RECQL4: variants seen among roughly 807,000 people sequenced by gnomAD.
RECQL4 encodes ATP-dependent DNA helicase Q4.
A neutral mutation model predicts 128.6 loss-of-function variants in RECQL4; 158 were observed. The ratio of observed to expected loss-of-function variants is 1.23; its 90% confidence interval spans 1.08 to 1.40. RECQL4 has a LOEUF of 1.40. RECQL4 is among the 40% of genes most tolerant of loss of function. RECQL4 has a pLI of 0.00. For missense variants in RECQL4, 2,293 were observed against 1,649.8 expected (o/e 1.39, Z -6.75); for synonymous variants, 996 against 678.9 (o/e 1.47, Z -7.26).
rs1554897223 is a variant in RECQL4, at chr8:144,512,693, C to T, written c.2834G>A (p.Cys945Tyr). The T allele has an allele frequency of 6.2e-7, 1 of 1,612,510 alleles. No individual in the cohort carries two copies. Residue 945 changes from cysteine to tyrosine, a missense_variant, in exon 16 of 21, where the codon TGC becomes TAC. Coordinates refer to ENST00000617875, the MANE Select transcript of RECQL4 (RefSeq NM_004260.4). ...LELLATTYTHCRLNCPGGPAQ... is the reference protein window; with the variant it reads ...LELLATTYTHYRLNCPGGPAQ... Reference sequence around the variant, plus strand: ...AGGGCCCCCAGGGCAGTTCAGACGGCAATGGGTATAGGTGGTCGCCAGCAG... The same window carrying T: ...AGGGCCCCCAGGGCAGTTCAGACGGTAATGGGTATAGGTGGTCGCCAGCAG...
chr8:144,515,357 G>C lies in RECQL4; in HGVS notation c.1359C>G (p.Leu453=), dbSNP rs1331671057. 4 of 1,612,788 alleles carry C rather than the reference G, an allele frequency of 2.5e-6. No homozygotes were observed. The highest frequency in any genetic ancestry group is 3.3e-5 in the Admixed American group (2 of 60,018). ...ACTGCCCTGAGGGCCCCAGGGAGTA[G>C]AGTGGCAGCACGGTGGGGTCCAGGC... ...VPSLDPTVLP[L]YSLGPSGQLA... is the part of the protein sequence containing the mutation. The change falls in exon 7 of 21, where the codon CTC becomes CTG. Residue 453 remains leucine (L), a synonymous_variant. Coordinates refer to ENST00000617875, the MANE Select transcript of RECQL4 (RefSeq NM_004260.4).
Position 144,512,185 on chromosome 8 carries a change from C to T in RECQL4, c.3195G>A (p.Gln1065=), listed in dbSNP as rs1318054872. Residue 1065 remains glutamine, a synonymous_variant, in exon 18 of 21, where the codon CAG becomes CAA. Transcript: ENST00000617875. ...LYGRVQARER[Q]ALARLRRTFQ... The stretch of plus-strand genomic sequence containing the variant: ...AGGTTCTGCGCAGACGGGCCAGGGC[C>T]TGGCGCTCCCGGGCCTGCACACGGC... The T allele has an allele frequency of 6.8e-6, 11 of 1,611,844 alleles. No individual in the cohort carries two copies. The highest frequency in any genetic ancestry group is 2.7e-5 in the African/African-American group (2 of 74,938).
Position 144,515,375 on chromosome 8 carries a change from G to A in RECQL4, c.1341C>T (p.Asp447=), listed in dbSNP as rs2130708176. 1.9e-5 allele frequency: 31 copies of A among 1,612,780 alleles called. No individual in the cohort carries two copies. Among genetic ancestry groups the A allele is most frequent in the Non-Finnish European group, 2.6e-5 (31 of 1,179,848 alleles). Residue 447 remains aspartate (D), a synonymous_variant, in exon 7 of 21, where the codon GAC becomes GAT. Transcript: ENST00000617875. ...GGGAGTAGAGTGGCAGCACGGTGGG[G>A]TCCAGGCTGGGCACCTCAGGTACAG... is the stretch of plus-strand genomic sequence containing the variant. ...PQPVPEVPSL[D]PTVLPLYSLG...
Position 144,511,365 on chromosome 8 carries a change from G to A in RECQL4, c.*66C>T, listed in dbSNP as rs1478786786. The A allele has an allele frequency of 6.3e-7, 1 of 1,593,312 alleles. No individual in the cohort carries two copies. The highest frequency in any genetic ancestry group is 1.1e-5 in the South Asian group (1 of 90,572). On this transcript the variant is annotated 3_prime_UTR_variant, in exon 21 of 21. Transcript: ENST00000617875. ...ACACCCTGTGGCAGGTTTTGCCCAG[G>A]TCCTCAGTCACTGCCCTAGCCTCTG...
rs780188311 is a variant in RECQL4 at position 144,512,087 on chromosome 8, A to G, written c.3237-20T>C. The G allele has an allele frequency of 1.9e-6, 3 of 1,606,020 alleles. No homozygotes were observed. The highest frequency in any genetic ancestry group is 2.2e-5 in the East Asian group (1 of 44,732). On this transcript the variant is annotated intron_variant, in intron 18 of 20. Coordinates refer to ENST00000617875, the MANE Select transcript of RECQL4 (RefSeq NM_004260.4). The stretch of plus-strand genomic sequence containing the variant: ...GCTACGCTGTGGGGAGGAGCCTGTC[A>G]GAGCTGATCACTGCGGGAGGGTGGA...
At chr8:144,517,670 C>T (rs994662924) in intron 1 of RECQL4, 31 bp downstream of exon 1, 49 of 1,463,620 alleles carry the variant, frequency 3.3e-5, no homozygotes, top group Admixed American at 5.0e-5. Flanking sequence ...GGGCCGCGCC[C>T]TCAGCCCCTC....
At position 144,512,161 on chromosome 8, in the gene RECQL4, G is replaced by A. The variant is rs769367312; in HGVS notation, c.3219C>T (p.Thr1073=). The A allele has an allele frequency of 6.2e-6, 10 of 1,609,684 alleles. No homozygotes were observed. Among genetic ancestry groups the A allele is most frequent in the East Asian group, 4.5e-5 (2 of 44,822 alleles). ...ERQALARLRR[T]FQAFHSVAFP... is the part of the protein sequence containing the mutation. ...CTCCCAACCTGTGAAAGGCCTGGAA[G>A]GTTCTGCGCAGACGGGCCAGGGCCT... Residue 1073 remains threonine (T), a synonymous_variant, in exon 18 of 21, where the codon ACC becomes ACT. Coordinates refer to ENST00000617875, the MANE Select transcript of RECQL4 (RefSeq NM_004260.4).
Position 144,514,314 on chromosome 8 carries a change from C to A in RECQL4, c.1753G>T (p.Val585Leu), listed in dbSNP as rs770367395. The A allele has an allele frequency of 8.7e-6, 14 of 1,609,680 alleles. No homozygotes were observed. The highest frequency in any genetic ancestry group is 1.2e-5 in the Non-Finnish European group (14 of 1,178,328). ...HVLMLTPEALVGAGGLPPAAQ... is the reference protein window; with the variant it reads ...HVLMLTPEALLGAGGLPPAAQ... ...GCTGGAGGGAGGCCTCCCGCCCCCA[C>A]CAGTGCCTCAGGTGTCAGCATCAGC... Residue 585 changes from valine (V) to leucine (L), a missense_variant, in exon 11 of 21, where the codon GTG becomes TTG. Physicochemically the swap from Val to Leu is conservative, Grantham distance 32 (BLOSUM62 1). Transcript: ENST00000617875.
At position 144,514,204 on chromosome 8, in the gene RECQL4, G is replaced by A. The variant is rs1208882721; in HGVS notation, c.1863C>T (p.Tyr621=). 8.1e-6 allele frequency: 13 copies of A among 1,612,172 alleles called. No homozygotes were observed. Among genetic ancestry groups the A allele is most frequent in the East Asian group, 2.2e-5 (1 of 44,866 alleles). ...TATGGCTCACCTTGCAGACGCGCAG[G>A]TAGCAGGGCCGGAAGTTGTGGGACC... The part of the protein sequence containing the change: ...SQWSHNFRPC[Y]LRVCKVLRER... Residue 621 remains tyrosine, a synonymous_variant, in exon 11 of 21, where the codon TAC becomes TAT. Transcript: ENST00000617875.
Position 144,513,127 on chromosome 8 carries a change from C to G in RECQL4, c.2475G>C (p.Leu825=). Residue 825 remains leucine (L), a synonymous_variant, in exon 15 of 21, where the codon CTG becomes CTC. Coordinates refer to ENST00000617875, the MANE Select transcript of RECQL4 (RefSeq NM_004260.4). ...HLFLQPQGED[L]RELRRHVHAD... is the part of the protein sequence containing the mutation. ...CGTGCACATGTCTGCGCAGCTCTCG[C>G]AGGTCTTCGCCCTGCAGGGCAACTT... The G allele has an allele frequency of 6.4e-7, 1 of 1,560,308 alleles. No homozygotes were observed. Among genetic ancestry groups the G allele is most frequent in the African/African-American group, 1.4e-5 (1 of 71,662 alleles).
At position 144,513,199 on chromosome 8, in the gene RECQL4, G is replaced by T. The variant is rs549548131; in HGVS notation, c.2463+19C>A. The T allele has an allele frequency of 5.3e-4, 24 of 45,286 alleles. No homozygotes were observed. Among genetic ancestry groups the T allele is most frequent in the Non-Finnish European group, 8.0e-4 (19 of 23,792 alleles). The allele number at this position is 45,286 out of a possible 1,614,324, so 2.8% of individuals were successfully genotyped here. ...CTGGGGGCTCGAGCACTGGCAGTGT[G>T]GGGGGGGGGGGTGCCAACCTGGGGC... On this transcript the variant is annotated intron_variant, in intron 14 of 20. Transcript: ENST00000617875.
In RECQL4 at chr8:144,513,200, G is replaced by C. The variant is rs41542315; in HGVS notation, c.2463+18C>G. ...TGGGGGCTCGAGCACTGGCAGTGTG[G>C]GGGGGGGGGGTGCCAACCTGGGGCT... On this transcript the variant is annotated intron_variant, in intron 14 of 20. Transcript: ENST00000617875. 5.4e-5 allele frequency: 15 copies of C among 278,582 alleles called. No individual in the cohort carries two copies. Among genetic ancestry groups the C allele is most frequent in the Middle Eastern group, 7.3e-4 (1 of 1,362 alleles). 17.3% of individuals were successfully genotyped at this position (278,582 alleles called of 1,614,324 possible). A position where few individuals can be genotyped will look rare whatever the true frequency, so the allele number is the denominator to read the frequency against.
At chr8:144,517,011 G>GCT in intron 4 of RECQL4, 39 bp downstream of exon 4, 1 of 1,586,594 alleles carries the variant, frequency 6.3e-7, no homozygotes. Context: ...GGAAGCAGCT[G>GCT]TGGACCTAGC....
intron 11 of RECQL4, 39 bp downstream of exon 11, chr8:144,514,150 C>T (rs1254712499): frequency 6.2e-7 from 1 of 1,611,122 alleles, no homozygotes; most frequent in East Asian, 2.2e-5. Context: ...CCAGCCCATC[C>T]CGGCCCTGGC....
In RECQL4 at chr8:144,511,388, C is replaced by T. The variant is rs756850904; in HGVS notation, c.*43G>A. ...AGGTCCTCAGTCACTGCCCTAGCCT[C>T]TGACAACCCCAGCTCTACCCGACAT... On this transcript the variant is annotated 3_prime_UTR_variant, in exon 21 of 21. Coordinates refer to ENST00000617875, the MANE Select transcript of RECQL4 (RefSeq NM_004260.4). The T allele has an allele frequency of 6.2e-7, 1 of 1,601,482 alleles. No homozygotes were observed. The highest frequency in any genetic ancestry group is 1.1e-5 in the South Asian group (1 of 90,916).
intron 2 of RECQL4, 44 bp downstream of exon 2, chr8:144,517,558 C>A: frequency 6.6e-7 from 1 of 1,509,740 alleles, no homozygotes; most frequent in East Asian, 2.6e-5. Flanking sequence ...GGGCCCCTGC[C>A]GACCCGGTGT....
Position 144,512,631 on chromosome 8 carries a change from G to T in RECQL4, c.2885+11C>A. On this transcript the variant is annotated intron_variant, in intron 16 of 20. Coordinates refer to ENST00000617875, the MANE Select transcript of RECQL4 (RefSeq NM_004260.4). ...TCCAACCTCGTCTCCAACTGGGCAG[G>T]GCGTGCTTACCTGTGGGCCAGGGCC... 1 of 1,611,920 alleles carries T rather than the reference G, an allele frequency of 6.2e-7. No individual in the cohort carries two copies. The highest frequency in any genetic ancestry group is 8.5e-7 in the Non-Finnish European group (1 of 1,179,422).
Position 144,511,761 on chromosome 8 carries a change from C to A in RECQL4, c.3422G>T (p.Cys1141Phe). ...CAGGGACAGGAACTGGCGGATGTCG[C>A]AGCGGACCTGGTCCTCCCAATCCTG... ...RLQDWEDQVR[C>F]DIRQFLSLRP... is the part of the protein sequence containing the mutation. The change falls in exon 20 of 21, where the codon TGC (cysteine) becomes TTC (phenylalanine). Residue 1141 changes from cysteine (C) to phenylalanine (F), a missense_variant. By Grantham distance (205) the Cys-to-Phe change is radical. Coordinates refer to ENST00000617875, the MANE Select transcript of RECQL4 (RefSeq NM_004260.4). The A allele has an allele frequency of 6.2e-7, 1 of 1,612,616 alleles. No individual in the cohort carries two copies. Among genetic ancestry groups the A allele is most frequent in the South Asian group, 1.1e-5 (1 of 91,088 alleles).
At chr8:144,516,980 G>A (rs561491767) in intron 4 of RECQL4, 70 bp downstream of exon 4, 4 of 1,546,094 alleles carry the variant, frequency 2.6e-6, no homozygotes, top group African/African-American at 2.7e-5. Context: ...TGGAAAAAAT[G>A]ACAAGAGGGC....
Sources: gnomAD v4.1 joint callset for allele counts on GRCh38, gnomAD v4.1.1 for gene constraint, MANE v1.5 for transcripts, NCBI Gene and HGNC (gene_info 2026-07-23, HGNC 2026-07-21) for gene names.